GPC5: variants seen among roughly 807,000 people sequenced by gnomAD.
GPC5 encodes the protein glypican-5.
Under a neutral mutation model 53.9 loss-of-function variants are expected in GPC5, and 47 were observed. The observed-to-expected ratio is 0.87, with a 90% confidence interval of 0.69 to 1.11. The LOEUF is 1.11. Among genes scored for constraint, GPC5 ranks in the 50% most tolerant of loss-of-function variants. GPC5 has a pLI of 0.00. For synonymous variants in GPC5, 286 were observed against 263.3 expected, an observed-to-expected ratio of 1.09 and a Z score of -0.84; for missense variants, 748 against 713.1, an observed-to-expected ratio of 1.05 and a Z score of -0.56.
At position 92,483,082 on chromosome 13, in the gene GPC5, G is replaced by A. The variant is rs528433514; in HGVS notation, c.1561+338093G>A. On this transcript the variant is annotated intron_variant, in intron 7 of 7. Transcript: ENST00000377067. ...CAGATTGAGACTTATTCACTATCAC[G>A]AGAACAGTATGGAGGAAACCGTCCC... Among the ~76,000 whole-genome samples, 179 of 152,268 alleles carry A rather than the reference G, an allele frequency of 1.2e-3. 1 individual carries two copies. The South Asian group carries it at 0.033, about 28-fold the overall frequency.
At chr13:91,797,046 C>T (rs2038057874) in intron 5 of GPC5, among the ~76,000 whole-genome samples, 1 of 151,892 alleles carries the variant, frequency 6.6e-6, no homozygotes, top group African/African-American at 2.4e-5. Context: ...TAATTTCTTA[C>T]CTTTACAAAA....
At chr13:91,455,959 T>G (rs1448925159) in intron 2 of GPC5, among the ~76,000 whole-genome samples, 1 of 152,130 alleles carries the variant, frequency 6.6e-6, no homozygotes, top group East Asian at 1.9e-4. Flanking sequence ...AAATTGAATG[T>G]TGATTTCTAT....
At chr13:92,021,391 G>T (rs952839010) in intron 6 of GPC5, among the ~76,000 whole-genome samples, 25 of 152,194 alleles carry the variant, frequency 1.6e-4, no homozygotes, top group African/African-American at 5.8e-4. Flanking sequence ...GACAAATCCT[G>T]TGTGATTCCA....
chr13:91,582,835 A>G (rs1343758739), intron 2 of GPC5, among the ~76,000 whole-genome samples: 2 of 152,106 alleles, frequency 1.3e-5, no homozygotes, highest in African/African-American at 4.8e-5. Context: ...CAACAAGGTG[A>G]TACCGTGTCT....
At position 91,399,223 on chromosome 13, in the gene GPC5, AG is replaced by A. The variant is rs770382812; in HGVS notation, c.163+19del. On this transcript the variant is annotated intron_variant, in intron 1 of 7. Transcript: ENST00000377067. ...CGCCGCGGGCAGGTAAGGGGCAATG[AG>A]GGGGTCTCTGGACTGGCGGCGTCCG... 6.2e-7 allele frequency: 1 copy of A among 1,609,548 alleles called. No individual in the cohort carries two copies. Among genetic ancestry groups the A allele is most frequent in the African/African-American group, 1.3e-5 (1 of 74,840 alleles).
chr13:92,433,520 T>C (rs180952789), intron 7 of GPC5, among the ~76,000 whole-genome samples: 5 of 152,222 alleles, frequency 3.3e-5, no homozygotes, highest in Admixed American at 2.0e-4. Context: ...AGTGTTGTAA[T>C]TGGAGATAAG....
intron 7 of GPC5, among the ~76,000 whole-genome samples, chr13:92,325,840 G>A (rs373922959): frequency 5.9e-5 from 9 of 152,066 alleles, no homozygotes; most frequent in East Asian, 3.9e-4. Context: ...TCCTATGAAC[G>A]AGGCATGGCA....
At chr13:91,603,008 A>G (rs913545795) in intron 2 of GPC5, among the ~76,000 whole-genome samples, 3 of 152,212 alleles carry the variant, frequency 2.0e-5, no homozygotes, top group African/African-American at 7.2e-5. Context: ...TTCTCTGTGA[A>G]AAGTGGCTGC....
At chr13:91,733,344 A>T (rs1278704811) in intron 4 of GPC5, among the ~76,000 whole-genome samples, 1 of 152,190 alleles carries the variant, frequency 6.6e-6, no homozygotes, top group African/African-American at 2.4e-5. Context: ...CATGTTCGCC[A>T]GGCTGGTCTC....
chr13:91,813,621 G>A (rs2038349732), intron 5 of GPC5, among the ~76,000 whole-genome samples: 1 of 152,134 alleles, frequency 6.6e-6, no homozygotes, highest in Non-Finnish European at 1.5e-5. Context: ...AGGAGTGGGG[G>A]TTAGGAATGA....
chr13:92,219,352 T>C (rs1566490300), intron 7 of GPC5, among the ~76,000 whole-genome samples: 1 of 152,174 alleles, frequency 6.6e-6, no homozygotes, highest in Non-Finnish European at 1.5e-5. Context: ...TACTATAGTG[T>C]AGGGTTTAGA....
chr13:92,358,874 A>G (rs2043543990), intron 7 of GPC5, among the ~76,000 whole-genome samples: 1 of 151,740 alleles, frequency 6.6e-6, no homozygotes, highest in South Asian at 2.1e-4. Context: ...GGGAGTAGCT[A>G]CTGAGAAGGT....
At chr13:92,376,510 G>C (rs1312398981) in intron 7 of GPC5, among the ~76,000 whole-genome samples, 1 of 152,148 alleles carries the variant, frequency 6.6e-6, no homozygotes, top group Non-Finnish European at 1.5e-5. Context: ...CTGCATAGAG[G>C]TTTATTTTCT....
intron 7 of GPC5, among the ~76,000 whole-genome samples, chr13:92,147,891 C>G (rs571553692): frequency 6.6e-5 from 10 of 151,962 alleles, no homozygotes; most frequent in Admixed American, 6.6e-4. Context: ...TTATAAAGCA[C>G]TCTAGTATTT....
chr13:92,389,890 T>C (rs1874915394), intron 7 of GPC5, among the ~76,000 whole-genome samples: 1 of 152,202 alleles, frequency 6.6e-6, no homozygotes. Flanking sequence ...CTAAAAAGTA[T>C]GAACTACAAG....
intron 4 of GPC5, 63 bp from the exon 5 acceptor site, chr13:91,756,232 C>A: frequency 7.9e-7 from 1 of 1,266,102 alleles, no homozygotes; most frequent in Non-Finnish European, 1.1e-6. Flanking sequence ...CAATACATAT[C>A]ATTTTTGATG....
chr13:92,204,767 C>T (rs750529619), intron 7 of GPC5, among the ~76,000 whole-genome samples: 2 of 152,218 alleles, frequency 1.3e-5, no homozygotes, highest in Non-Finnish European at 2.9e-5. Flanking sequence ...CTTTTCAGAA[C>T]ACATTACCCT....
intron 7 of GPC5, among the ~76,000 whole-genome samples, chr13:92,181,562 A>C (rs1416052266): frequency 6.6e-6 from 1 of 152,230 alleles, no homozygotes; most frequent in African/African-American, 2.4e-5. Context: ...AATATTTTAA[A>C]TGTGCACATG....
intron 7 of GPC5, among the ~76,000 whole-genome samples, chr13:92,785,637 A>C (rs1424377713): frequency 6.6e-6 from 1 of 152,242 alleles, no homozygotes; most frequent in Non-Finnish European, 1.5e-5. Context: ...TGAAAGCCAC[A>C]TGAAGTGATT....
Sources: gnomAD v4.1 joint callset for allele counts (sites outside exome capture counted in the v4.1 genomes callset) on GRCh38, gnomAD v4.1.1 for gene constraint, MANE v1.5 for transcripts, NCBI Gene and HGNC (gene_info 2026-07-23, HGNC 2026-07-21) for gene names.